NEK8: variants seen among roughly 807,000 people sequenced by gnomAD.
NEK8 encodes the protein NIMA related kinase 8, also known as serine/threonine-protein kinase Nek8.
A neutral mutation model predicts 77.2 loss-of-function variants in NEK8; 51 were observed. That is an observed-to-expected ratio of 0.66 (90% CI 0.53 to 0.83). The LOEUF is 0.83. Ranked by LOEUF, NEK8 falls within the 40% of genes least tolerant of loss-of-function variation. The pLI is 0.00. For missense variants in NEK8, 787 were observed against 909.2 expected (o/e 0.87, Z 1.73); for synonymous variants, 365 against 363.2 (o/e 1.00, Z -0.06).
At position 28,735,823 on chromosome 17, in the gene NEK8, C is replaced by T. The variant is rs1025147411; in HGVS notation, c.618+452C>T. 5.3e-5 allele frequency among the ~76,000 whole-genome samples: 8 copies of T among 152,094 alleles called. No homozygotes were observed. The South Asian group carries it at 1.2e-3, about 24-fold the overall frequency. On this transcript the variant is annotated intron_variant, in intron 4 of 14. Coordinates refer to ENST00000268766, the MANE Select transcript of NEK8 (RefSeq NM_178170.3). ...TAAGTTTTAGGGCACATGTACACAA[C>T]GTGCAGGTTTGATACGTATGTATAC...
Position 28,738,111 on chromosome 17 carries a change from C to T in NEK8, c.1088C>T (p.Ala363Val), listed in dbSNP as rs954240143. Residue 363 changes from alanine (A) to valine (V), a missense_variant, in exon 8 of 15, where the codon GCA becomes GTA. Ala to Val is a moderately conservative substitution (Grantham distance 64). Transcript: ENST00000268766. ...CCCCTGCAGGCCCCACCCCTAGGTGCAGGCGGAGGCAGTCTCCTTCCTGGG... is the reference window on the plus strand; with the variant it reads ...CCCCTGCAGGCCCCACCCCTAGGTGTAGGCGGAGGCAGTCTCCTTCCTGGG... ...LILWEAPPLG[A>V]GGGSLLPGAV... is the part of the protein sequence containing the mutation. 3.1e-6 allele frequency: 5 copies of T among 1,613,688 alleles called. No individual in the cohort carries two copies. Among genetic ancestry groups the T allele is most frequent in the Non-Finnish European group, 4.2e-6 (5 of 1,179,820 alleles).
At chr17:28,734,744 G>A (rs1432197864) in intron 2 of NEK8, 28 bp from the exon 3 acceptor site, 1 of 1,522,358 alleles carries the variant, frequency 6.6e-7, no homozygotes, top group East Asian at 2.3e-5. Flanking sequence ...GAGAAAGCCT[G>A]GATCTTGATT....
chr17:28,735,944 A>C (rs1261396154), intron 4 of NEK8, among the ~76,000 whole-genome samples: 2 of 95,572 alleles, frequency 2.1e-5, no homozygotes, highest in Non-Finnish European at 1.9e-5. Flanking sequence ...ACCCCACAAC[A>C]GGCCCCGGTG....
rs1328745121 is a variant in NEK8, at chr17:28,737,082, G to T, written c.619-224G>T. ...GTTTGTCAAAGATCAGATAGTTGTA[G>T]ATGTGTGGCATTATTTCTGAGGGCT... On this transcript the variant is annotated intron_variant, in intron 4 of 14. Coordinates refer to ENST00000268766, the MANE Select transcript of NEK8 (RefSeq NM_178170.3). This position sits in a 1 kb window ranked among gnomAD's most constrained non-coding sequence, Gnocchi z 4.8. Among the ~76,000 whole-genome samples, 1 of 152,240 alleles carries T rather than the reference G, an allele frequency of 6.6e-6. No individual in the cohort carries two copies. Among genetic ancestry groups the T allele is most frequent in the Non-Finnish European group, 1.5e-5 (1 of 68,038 alleles).
Position 28,740,963 on chromosome 17 carries a change from T to C in NEK8, c.1710T>C (p.Thr570=). The C allele has an allele frequency of 6.2e-7, 1 of 1,614,138 alleles. No individual in the cohort carries two copies. The highest frequency in any genetic ancestry group is 8.5e-7 in the Non-Finnish European group (1 of 1,180,026). The stretch of plus-strand genomic sequence containing the variant: ...CTCTGCTGAGTATAGACCTGGGCAC[T>C]GCTCACTCAGCTGCTGTGACTGGTG... ...QEPLLSIDLG[T]AHSAAVTASG... is the part of the protein sequence containing the mutation. The change falls in exon 12 of 15, where the codon ACT becomes ACC. Residue 570 remains threonine, a synonymous_variant. Transcript: ENST00000268766. The surrounding 1 kb of genome is among the most constrained non-coding windows in gnomAD (Gnocchi z 4.7).
chr17:28,733,080 A>G (rs972548058), intron 1 of NEK8: 8 of 134,282 alleles, frequency 6.0e-5, no homozygotes, highest in African/African-American at 1.7e-4. Context: ...GGGTTTCACC[A>G]TGTTGCTCAG....
chr17:28,734,915 A>G lies in NEK8; in HGVS notation c.397A>G (p.Asn133Asp), dbSNP rs2034347820. 3.1e-6 allele frequency: 5 copies of G among 1,613,704 alleles called. No homozygotes were observed. The highest frequency in any genetic ancestry group is 4.2e-6 in the Non-Finnish European group (5 of 1,180,018). ...LILHRDLKTQ[N>D]ILLDKHRMVV... ...CCTGCACCGAGACCTCAAGACCCAG[A>G]ACATCCTGCTTGACAAACACCGCAT... Residue 133 changes from asparagine (N) to aspartate (D), a missense_variant, in exon 3 of 15, where the codon AAC becomes GAC. Around this residue, in one of 2 missense-constraint regions of NEK8, gnomAD observed 271 missense variants for 365.1 expected, o/e 0.74. Transcript: ENST00000268766.
At chr17:28,729,010 G>T in intron 1 of NEK8, 150 bp downstream of exon 1, 2 of 722,096 alleles carry the variant, frequency 2.8e-6, no homozygotes, top group South Asian at 3.3e-5. Flanking sequence ...CCAGTCCCCC[G>T]GGGAGACTCC....
intron 4 of NEK8, among the ~76,000 whole-genome samples, chr17:28,736,161 A>C (rs1249625870): frequency 2.0e-5 from 3 of 152,194 alleles, no homozygotes; most frequent in African/African-American, 4.8e-5. Flanking sequence ...ACGTTTTCTT[A>C]ATCCATCTAT....
chr17:28,737,364 G>T lies in NEK8; in HGVS notation c.677G>T (p.Arg226Leu). 1.2e-6 allele frequency: 2 copies of T among 1,613,832 alleles called. No homozygotes were observed. The highest frequency in any genetic ancestry group is 8.5e-7 in the Non-Finnish European group (1 of 1,180,008). Residue 226 changes from arginine (R) to leucine (L), a missense_variant, in exon 5 of 15, where the codon CGG becomes CTG. Arg to Leu is a moderately radical substitution (Grantham distance 102). Around this residue, in one of 2 missense-constraint regions of NEK8, gnomAD observed 271 missense variants for 365.1 expected, o/e 0.74. Coordinates refer to ENST00000268766, the MANE Select transcript of NEK8 (RefSeq NM_178170.3). This position sits in a 1 kb window ranked among gnomAD's most constrained non-coding sequence, Gnocchi z 4.8. ...MSGTFAPISD[R>L]YSPELRQLVL... Reference sequence around the variant, plus strand: ...GGCACCTTTGCACCTATCTCTGACCGGTACAGCCCTGAGCTTCGCCAGCTG... The same window carrying T: ...GGCACCTTTGCACCTATCTCTGACCTGTACAGCCCTGAGCTTCGCCAGCTG...
rs2034338927 is a variant in NEK8 at position 28,734,236 on chromosome 17, T to C, written c.253+48T>C. The C allele has an allele frequency of 6.6e-6, 10 of 1,517,960 alleles. No individual in the cohort carries two copies. The East Asian group carries it at 2.3e-4, about 34-fold the overall frequency. 94.0% of individuals were successfully genotyped at this position (1,517,960 alleles called of 1,614,324 possible). A position where few individuals can be genotyped will look rare whatever the true frequency, so the allele number is the denominator to read the frequency against. On this transcript the variant is annotated intron_variant, in intron 2 of 14. Transcript: ENST00000268766. ...GCCTGGCTGGAGGGCCTCTTACCTC[T>C]GGGACAGGCAGACACAGATCTCCTG...
intron 4 of NEK8, among the ~76,000 whole-genome samples, chr17:28,736,510 T>C (rs1396278596): frequency 6.6e-6 from 1 of 152,260 alleles, no homozygotes; most frequent in Non-Finnish European, 1.5e-5. Flanking sequence ...TTGATTTGCA[T>C]TTCTTGATGG....
chr17:28,741,848 C>A lies in NEK8; in HGVS notation c.2051-111C>A. ...TCCCGTTGATGCTGAAACTCTCTTT[C>A]TGGCCTAACAGGGTCCAGAATCCAG... is the stretch of plus-strand genomic sequence containing the variant. On this transcript the variant is annotated intron_variant, in intron 14 of 14. Transcript: ENST00000268766. This position sits in a 1 kb window ranked among gnomAD's most constrained non-coding sequence, Gnocchi z 4.5. 8.4e-7 allele frequency: 1 copy of A among 1,188,410 alleles called. No individual in the cohort carries two copies. The highest frequency in any genetic ancestry group is 1.3e-6 in the Non-Finnish European group (1 of 792,914). The allele number at this position is 1,188,410 out of a possible 1,614,324, so 73.6% of individuals were successfully genotyped here. A position where few individuals can be genotyped will look rare whatever the true frequency, so the allele number is the denominator to read the frequency against.
rs749473321 is a variant in NEK8, at chr17:28,738,243, C to T, written c.1220C>T (p.Thr407Ile). 6.2e-7 allele frequency: 1 copy of T among 1,614,064 alleles called. No homozygotes were observed. The highest frequency in any genetic ancestry group is 8.5e-7 in the Non-Finnish European group (1 of 1,180,032). ...GGGGACTTCTTCACTGCCTGCCTGA[C>T]TGGTGAGTTGTCGGGCCTACCTTGT... ...ACGDFFTACL[T>I]DRGIIMTFGS... The change falls in exon 8 of 15, where the codon ACT (threonine) becomes ATT (isoleucine). Residue 407 changes from threonine (T) to isoleucine (I), a missense_variant and splice_region_variant. By Grantham distance (89) the Thr-to-Ile change is moderately conservative. Coordinates refer to ENST00000268766, the MANE Select transcript of NEK8 (RefSeq NM_178170.3).
intron 9 of NEK8, 113 bp from the exon 10 acceptor site, chr17:28,738,971 C>T: frequency 1.1e-6 from 1 of 910,820 alleles, no homozygotes; most frequent in Non-Finnish European, 1.9e-6. Context: ...GATTTAAAGA[C>T]ACAGCCACCT....
intron 1 of NEK8, among the ~76,000 whole-genome samples, chr17:28,733,253 G>C (rs1205447956): frequency 9.2e-5 from 14 of 152,150 alleles, no homozygotes; most frequent in Admixed American, 8.5e-4. Flanking sequence ...AGATGGAAGA[G>C]ACTGAGCAAG....
chr17:28,734,904 T>G lies in NEK8; in HGVS notation c.386T>G (p.Leu129Arg). 6.2e-7 allele frequency: 1 copy of G among 1,613,678 alleles called. No homozygotes were observed. Among genetic ancestry groups the G allele is most frequent in the Non-Finnish European group, 8.5e-7 (1 of 1,180,002 alleles). Reference protein sequence around the residue: ...VHTHLILHRDLKTQNILLDKH... With the variant: ...VHTHLILHRDRKTQNILLDKH... Reference sequence around the variant, plus strand: ...ACCCACCTCATCCTGCACCGAGACCTCAAGACCCAGAACATCCTGCTTGAC... The same window carrying G: ...ACCCACCTCATCCTGCACCGAGACCGCAAGACCCAGAACATCCTGCTTGAC... Residue 129 changes from leucine to arginine, a missense_variant, in exon 3 of 15, where the codon CTC (leucine) becomes CGC (arginine). Physicochemically the swap from Leu to Arg is moderately radical, Grantham distance 102. Coordinates refer to ENST00000268766, the MANE Select transcript of NEK8 (RefSeq NM_178170.3).
intron 2 of NEK8, 118 bp downstream of exon 2, chr17:28,734,306 T>C (rs1567759241): frequency 5.5e-6 from 5 of 904,502 alleles, no homozygotes; most frequent in Admixed American, 1.8e-5. Flanking sequence ...AGAGTTCTGG[T>C]CCCAATTATC....
At position 28,741,974 on chromosome 17, in the gene NEK8, C is replaced by T. The variant is rs777112980; in HGVS notation, c.2066C>T (p.Pro689Leu). The T allele has an allele frequency of 1.2e-4, 191 of 1,613,948 alleles. 1 individual carries two copies. Among genetic ancestry groups the T allele is most frequent in the South Asian group, 6.6e-4 (60 of 91,086 alleles). Residue 689 changes from proline to leucine, a missense_variant, in exon 15 of 15, where the codon CCG becomes CTG. By Grantham distance (98) the Pro-to-Leu change is moderately conservative (BLOSUM62 -3). Around this residue, in one of 2 missense-constraint regions of NEK8, gnomAD observed 516 missense variants for 544.0 expected, o/e 0.95. Transcript: ENST00000268766. The surrounding 1 kb of genome is among the most constrained non-coding windows in gnomAD (Gnocchi z 4.5). The stretch of plus-strand genomic sequence containing the variant: ...TACCCTCCAGCGGTCACAGATGAGC[C>T]GGTCCCCCCCTGAGGCACCCGGATT... ...LLAVRSVTDE[P>L]VPP
Sources: allele counts gnomAD v4.1 joint callset (sites outside exome capture counted in the v4.1 genomes callset), GRCh38; gene constraint gnomAD v4.1.1; regional missense constraint gnomAD v4.1.1; non-coding constraint Gnocchi (gnomAD v3.1); transcripts MANE v1.5; gene names NCBI Gene and HGNC (gene_info 2026-07-23, HGNC 2026-07-21).